Variants in GIMAP8 observed in about 807,000 individuals in gnomAD.
GIMAP8 encodes the protein GTPase, IMAP family member 8.
A neutral mutation model predicts 35.6 loss-of-function variants in GIMAP8; 29 were observed. The observed-to-expected ratio is 0.81, with a 90% CI of 0.61 to 1.11. GIMAP8 has a LOEUF of 1.11. Ranked by LOEUF, GIMAP8 falls within the 50% of genes most tolerant of loss-of-function variation. The pLI is 0.00. For missense variants in GIMAP8, 811 were observed against 805.0 expected (o/e 1.01, Z -0.09); for synonymous variants, 335 against 308.7 (o/e 1.09, Z -0.89).
chr7:150,471,559 G>A (rs1585118671), intron 3 of GIMAP8, among the ~76,000 whole-genome samples: 1 of 152,112 alleles, frequency 6.6e-6, no homozygotes, highest in South Asian at 2.1e-4. Context: ...AGCTGAGGCC[G>A]GGTGCAGTGG....
rs1248054482 is a variant in GIMAP8, at chr7:150,467,280, TACGA to T, written c.586_589del (p.Asn196GlufsTer6). ...TTCGCAAGGTTGAGTCTTTGGTGAA[TACGA>T]ACGGAGGACCCTATCATGTGAACTT... is the stretch of plus-strand genomic sequence containing the variant. On this transcript the variant is annotated frameshift_variant, in exon 2 of 5. Coordinates refer to ENST00000307271, the MANE Select transcript of GIMAP8 (RefSeq NM_175571.4). LOFTEE classifies it high-confidence loss of function. 1 of 1,614,102 alleles carries T rather than the reference TACGA, an allele frequency of 6.2e-7. No homozygotes were observed. Among genetic ancestry groups the T allele is most frequent in the Non-Finnish European group, 8.5e-7 (1 of 1,180,020 alleles).
In GIMAP8 at chr7:150,472,516, T is replaced by A. The variant is rs1025463656; in HGVS notation, c.683-1496T>A. On this transcript the variant is annotated intron_variant, in intron 3 of 4. Coordinates refer to ENST00000307271, the MANE Select transcript of GIMAP8 (RefSeq NM_175571.4). This position sits in a 1 kb window ranked among gnomAD's most constrained non-coding sequence, Gnocchi z 4.1. ...GTGGATGAGAGACAGGAGGGTGCCATGGCCTTGCTGTGGAGGCCAGACCAG... is the reference window on the plus strand; with the variant it reads ...GTGGATGAGAGACAGGAGGGTGCCAAGGCCTTGCTGTGGAGGCCAGACCAG... Among the ~76,000 whole-genome samples, 2 of 152,212 alleles carry A rather than the reference T, an allele frequency of 1.3e-5. No individual in the cohort carries two copies. Among genetic ancestry groups the A allele is most frequent in the African/African-American group, 4.8e-5 (2 of 41,442 alleles).
At chr7:150,469,087 T>G (rs1802034712) in intron 2 of GIMAP8, among the ~76,000 whole-genome samples, 1 of 152,192 alleles carries the variant, frequency 6.6e-6, no homozygotes, top group Non-Finnish European at 1.5e-5. Flanking sequence ...AAGGTAAAGT[T>G]CAGAACTCTT....
rs1305638869 is a variant in GIMAP8 at position 150,477,555 on chromosome 7, T to A, written c.1773T>A (p.Phe591Leu). 1.2e-6 allele frequency: 2 copies of A among 1,614,070 alleles called. No homozygotes were observed. The highest frequency in any genetic ancestry group is 2.2e-5 in the South Asian group (2 of 91,076). Residue 591 changes from phenylalanine to leucine, a missense_variant, in exon 5 of 5, where the codon TTT (phenylalanine) becomes TTA (leucine). Phe to Leu is a conservative substitution (Grantham distance 22). Coordinates refer to ENST00000307271, the MANE Select transcript of GIMAP8 (RefSeq NM_175571.4). The part of the protein sequence containing the change: ...NSDNKALRRI[F>L]KKCGRRVCAF... Reference sequence around the variant, plus strand: ...ATAACAAAGCCCTTCGGCGCATTTTTAAAAAGTGTGGGCGGCGAGTTTGTG... The same window carrying A: ...ATAACAAAGCCCTTCGGCGCATTTTAAAAAAGTGTGGGCGGCGAGTTTGTG...
In GIMAP8 at chr7:150,474,527, A is replaced by T. The variant is rs1802177729; in HGVS notation, c.1198A>T (p.Asn400Tyr). 1.9e-6 allele frequency: 3 copies of T among 1,577,718 alleles called. No homozygotes were observed. In the African/African-American group the frequency reaches 4.0e-5, roughly 21 times the overall value. ...GTGTAAAAACAGATATAGTGCCTTC[A>T]ACTACCGGGCAACAGGAGAAGAAGA... ...QKCKNRYSAF[N>Y]YRATGEEEQR... The change falls in exon 4 of 5, where the codon AAC (asparagine) becomes TAC (tyrosine). Residue 400 changes from asparagine to tyrosine, a missense_variant. Asn to Tyr is a moderately radical substitution (Grantham distance 143, BLOSUM62 -2). Coordinates refer to ENST00000307271, the MANE Select transcript of GIMAP8 (RefSeq NM_175571.4).
In GIMAP8 at chr7:150,472,769, G is replaced by A. The variant is rs1802120650; in HGVS notation, c.683-1243G>A. ...TTATATTTGCATAGGAACCTGAGTA[G>A]CCAGCAGGAGATAGGGCAGGAGGCA... On this transcript the variant is annotated intron_variant, in intron 3 of 4. Coordinates refer to ENST00000307271, the MANE Select transcript of GIMAP8 (RefSeq NM_175571.4). This position sits in a 1 kb window ranked among gnomAD's most constrained non-coding sequence, Gnocchi z 4.1. Among the ~76,000 whole-genome samples, 1 of 152,168 alleles carries A rather than the reference G, an allele frequency of 6.6e-6. No individual in the cohort carries two copies. The highest frequency in any genetic ancestry group is 2.4e-5 in the African/African-American group (1 of 41,442).
chr7:150,451,132 C>T lies in GIMAP8; in HGVS notation c.-72C>T, dbSNP rs1817959574. 6.6e-6 allele frequency: 1 copy of T among 152,380 alleles called. No homozygotes were observed. Among genetic ancestry groups the T allele is most frequent in the Non-Finnish European group, 1.5e-5 (1 of 68,146 alleles). 9.4% of individuals were successfully genotyped at this position (152,380 alleles called of 1,614,324 possible). ...TTCTCCCCTCACCCTCCTCACCTTC[C>T]TCACATCCTGTGCCCTGGGGGACCA... On this transcript the variant is annotated 5_prime_UTR_variant, in exon 1 of 5. Coordinates refer to ENST00000307271, the MANE Select transcript of GIMAP8 (RefSeq NM_175571.4). The surrounding 1 kb of genome is among the most constrained non-coding windows in gnomAD (Gnocchi z 4.1).
At chr7:150,455,963 C>A (rs1361741769) in intron 1 of GIMAP8, among the ~76,000 whole-genome samples, 1 of 152,096 alleles carries the variant, frequency 6.6e-6, no homozygotes, top group Non-Finnish European at 1.5e-5. Flanking sequence ...ATATTTGTGA[C>A]CTTATTGCCC....
intron 3 of GIMAP8, among the ~76,000 whole-genome samples, chr7:150,473,177 C>T (rs1802133864): frequency 6.6e-6 from 1 of 152,138 alleles, no homozygotes; most frequent in Admixed American, 6.5e-5. Context: ...TGCAGACTCT[C>T]CCTTTTGCTC....
chr7:150,457,688 G>A (rs1232815083), intron 1 of GIMAP8, among the ~76,000 whole-genome samples: 9 of 152,186 alleles, frequency 5.9e-5, no homozygotes, highest in Non-Finnish European at 1.2e-4. Flanking sequence ...TCACAGAAGG[G>A]CCAGTCCAAA....
chr7:150,457,246 T>A (rs753994026), intron 1 of GIMAP8, among the ~76,000 whole-genome samples: 14 of 152,282 alleles, frequency 9.2e-5, no homozygotes, highest in South Asian at 2.1e-4. Context: ...CCATTGTTTG[T>A]GGTTTAGGAA....
chr7:150,476,992 CT>C, intron 4 of GIMAP8, 99 bp from the exon 5 acceptor site: 1 of 886,854 alleles, frequency 1.1e-6, no homozygotes, highest in South Asian at 1.6e-5. Flanking sequence ...TTTGAACATG[CT>C]GTTTACTTTA....
intron 1 of GIMAP8, among the ~76,000 whole-genome samples, chr7:150,465,344 A>T (rs972893888): frequency 2.0e-5 from 3 of 152,130 alleles, no homozygotes; most frequent in Non-Finnish European, 4.4e-5. Context: ...TAAGTTTTTA[A>T]AGAGAGGAAC....
At chr7:150,467,356 TG>T in intron 2 of GIMAP8, 22 bp downstream of exon 2, 1 of 1,594,842 alleles carries the variant, frequency 6.3e-7, no homozygotes, top group South Asian at 1.1e-5. Context: ...GTTAATATCT[TG>T]AAAGATCTCT....
In GIMAP8 at chr7:150,470,690, C is replaced by G. The variant is rs1585118180; in HGVS notation, c.637-139C>G. 27 of 637,358 alleles carry G rather than the reference C, an allele frequency of 4.2e-5. No homozygotes were observed. In the East Asian group the frequency reaches 7.4e-4, roughly 17 times the overall value. 39.5% of individuals were successfully genotyped at this position (637,358 alleles called of 1,614,324 possible). A position where few individuals can be genotyped will look rare whatever the true frequency, so the allele number is the denominator to read the frequency against. On this transcript the variant is annotated intron_variant, in intron 2 of 4. Transcript: ENST00000307271. Reference sequence around the variant, plus strand: ...AGACCAACAAAGACCATGACCAGGGCCTTGATTTGACCACATCTGACTCAG... The same window carrying G: ...AGACCAACAAAGACCATGACCAGGGGCTTGATTTGACCACATCTGACTCAG...
rs79244280 is a variant in GIMAP8, at chr7:150,477,328, C to T, written c.1546C>T (p.Arg516Cys). ...DPSRLEEEVK[R>C]CLSCCEKGDT... is the part of the protein sequence containing the mutation. ...ATCCCGGTTAGAAGAGGAGGTCAAG[C>T]GCTGTTTGTCCTGCTGTGAAAAAGG... The change falls in exon 5 of 5, where the codon CGC becomes TGC. Residue 516 changes from arginine to cysteine, a missense_variant. Coordinates refer to ENST00000307271, the MANE Select transcript of GIMAP8 (RefSeq NM_175571.4). 4.0e-3 allele frequency: 6,480 copies of T among 1,614,108 alleles called. 230 individuals carry two copies. In the African/African-American group the frequency reaches 0.075, roughly 19 times the overall value.
intron 3 of GIMAP8, among the ~76,000 whole-genome samples, chr7:150,471,245 A>G (rs904151404): frequency 1.3e-5 from 2 of 152,230 alleles, no homozygotes; most frequent in Non-Finnish European, 2.9e-5. Flanking sequence ...ACCAACTTGG[A>G]GAATTCTCTG....
chr7:150,452,466 C>T (rs1024930836), intron 1 of GIMAP8, among the ~76,000 whole-genome samples: 3 of 151,624 alleles, frequency 2.0e-5, no homozygotes, highest in Middle Eastern at 3.2e-3. Context: ...TTCTTCAGAC[C>T]TGTGGGAGGC....
chr7:150,473,949 A>C, intron 3 of GIMAP8, 63 bp from the exon 4 acceptor site: 1 of 1,522,318 alleles, frequency 6.6e-7, no homozygotes, highest in Non-Finnish European at 8.8e-7. Context: ...GAAATCATAA[A>C]ACCTGCCCAC....
Sources: allele counts gnomAD v4.1 joint callset (sites outside exome capture counted in the v4.1 genomes callset), GRCh38; gene constraint gnomAD v4.1.1; non-coding constraint Gnocchi (gnomAD v3.1); transcripts MANE v1.5; gene names NCBI Gene and HGNC (gene_info 2026-07-23, HGNC 2026-07-21).